Variants in SLC4A1AP observed in about 807,000 individuals in gnomAD.
The protein encoded by SLC4A1AP is kanadaptin.
In SLC4A1AP, 64 loss-of-function variants were observed where a neutral mutation model predicts 89.7. The observed-to-expected ratio is 0.71, with a 90% CI of 0.58 to 0.88. The LOEUF is 0.88. Among genes scored for constraint, SLC4A1AP ranks in the 40% least tolerant of loss-of-function variants. SLC4A1AP has a pLI of 0.00. For synonymous variants in SLC4A1AP, 366 were observed against 353.3 expected (o/e 1.04, Z -0.40); for missense variants, 931 against 965.0 (o/e 0.96, Z 0.47).
intron 12 of SLC4A1AP, among the ~76,000 whole-genome samples, chr2:27,690,492 A>AT (rs1675773710): frequency 6.6e-6 from 1 of 151,884 alleles, no homozygotes. Context: ...TTTTATTTTT[A>AT]TTTTTATTTT....
chr2:27,669,823 T>G (rs1035777071), intron 5 of SLC4A1AP, among the ~76,000 whole-genome samples: 3 of 152,272 alleles, frequency 2.0e-5, no homozygotes, highest in South Asian at 2.1e-4. Context: ...CCCTAGTAGC[T>G]GGGTCTATAG....
chr2:27,687,414 C>G (rs921013794), intron 10 of SLC4A1AP, among the ~76,000 whole-genome samples: 2 of 151,536 alleles, frequency 1.3e-5, no homozygotes, highest in African/African-American at 2.4e-5. Context: ...GAAACTCTAT[C>G]TCTACAAAAA....
intron 13 of SLC4A1AP, 64 bp downstream of exon 13, chr2:27,693,818 T>C (rs1330186249): frequency 1.6e-6 from 2 of 1,245,892 alleles, no homozygotes; most frequent in African/African-American, 3.1e-5. Context: ...ATAGGTAATA[T>C]AGATTTAAGG....
intron 4 of SLC4A1AP, 119 bp from the exon 5 acceptor site, chr2:27,669,129 A>G: frequency 8.6e-7 from 1 of 1,156,858 alleles, no homozygotes; most frequent in Non-Finnish European, 1.2e-6. Flanking sequence ...ATAGAACAAG[A>G]TGGATTCAAA....
chr2:27,680,318 A>G (rs912023491), intron 8 of SLC4A1AP, among the ~76,000 whole-genome samples: 2 of 152,194 alleles, frequency 1.3e-5, no homozygotes, highest in Non-Finnish European at 2.9e-5. Flanking sequence ...GAACATGTGA[A>G]TATACTTTCT....
chr2:27,678,805 ACCT>A (rs962377654), intron 8 of SLC4A1AP, among the ~76,000 whole-genome samples: 7 of 149,060 alleles, frequency 4.7e-5, no homozygotes, highest in Non-Finnish European at 1.0e-4. Context: ...TGCAGCCTTG[ACCT>A]CCTGGGATCA....
At chr2:27,683,845 C>T (rs1675660362) in intron 9 of SLC4A1AP, among the ~76,000 whole-genome samples, 1 of 152,110 alleles carries the variant, frequency 6.6e-6, no homozygotes, top group African/African-American at 2.4e-5. Flanking sequence ...AAGCGATTCT[C>T]CTGCCTCAGC....
intron 11 of SLC4A1AP, 57 bp from the exon 12 acceptor site, chr2:27,688,643 C>A: frequency 8.1e-7 from 1 of 1,231,432 alleles, no homozygotes; most frequent in African/African-American, 1.5e-5. Flanking sequence ...AGAATTTTGC[C>A]TTTTTATTTT....
At chr2:27,667,028 C>T (rs1033754551) in intron 2 of SLC4A1AP, among the ~76,000 whole-genome samples, 1 of 152,042 alleles carries the variant, frequency 6.6e-6, no homozygotes, top group Admixed American at 6.6e-5. Flanking sequence ...CCACTGTGCC[C>T]AGCTAATTTT....
intron 3 of SLC4A1AP, 120 bp downstream of exon 3, chr2:27,667,510 C>G (rs1244676817): frequency 1.0e-6 from 1 of 974,296 alleles, no homozygotes; most frequent in African/African-American, 1.7e-5. Context: ...CCTTCTTGTT[C>G]ACTTTTTACT....
At chr2:27,666,372 A>C (rs6752955) in intron 2 of SLC4A1AP, among the ~76,000 whole-genome samples, 2,053 of 3,158 alleles carry the variant, frequency 0.65, 523 homozygotes, top group Non-Finnish European at 0.74. Flanking sequence ...CCCCCCCCCC[A>C]CCCCGCCCCC....
intron 8 of SLC4A1AP, among the ~76,000 whole-genome samples, chr2:27,680,798 CA>C (rs1675607129): frequency 1.4e-5 from 2 of 148,114 alleles, no homozygotes; most frequent in Non-Finnish European, 3.0e-5. Context: ...ACAACAACAA[CA>C]ACAACAACAA....
chr2:27,677,293 AG>A lies in SLC4A1AP; in HGVS notation c.1507del, dbSNP rs781288130. 81 of 1,605,446 alleles carry A rather than the reference AG, an allele frequency of 5.0e-5. No homozygotes were observed. Among genetic ancestry groups the A allele is most frequent in the Non-Finnish European group, 8.5e-7 (1 of 1,172,432 alleles). On this transcript the variant is annotated splice_acceptor_variant, in intron 6 of 13. Coordinates refer to ENST00000613058, the Ensembl canonical transcript of SLC4A1AP. LOFTEE classifies it high-confidence loss of function. ...GTAACCCTGTTGATTTGGGTGTTAC[AG>A]GTTGCAAAATTAAATGATGCTGAAA...
chr2:27,677,153 G>A, intron 6 of SLC4A1AP, 142 bp from the exon 7 acceptor site: 3 of 672,466 alleles, frequency 4.5e-6, no homozygotes, highest in Non-Finnish European at 5.3e-6. Context: ...AAAAAAAAAA[G>A]TGTTAACTCC....
intron 5 of SLC4A1AP, among the ~76,000 whole-genome samples, chr2:27,673,475 C>G (rs1303754161): frequency 1.6e-5 from 2 of 122,830 alleles, no homozygotes; most frequent in Non-Finnish European, 3.2e-5. Context: ...TTCCTTCCTC[C>G]CTTCCTTCCT....
At chr2:27,664,484 C>T in exon 1 of SLC4A1AP, 2 of 1,614,204 alleles carry the variant, frequency 1.2e-6, no homozygotes, top group South Asian at 2.2e-5. Context: ...GCACTTTTCT[C>T]AACAAAACTC....
intron 8 of SLC4A1AP, among the ~76,000 whole-genome samples, chr2:27,680,575 A>G (rs1159394746): frequency 6.6e-6 from 1 of 152,032 alleles, no homozygotes; most frequent in African/African-American, 2.4e-5. Context: ...GGATGGCTTG[A>G]GTTCAGGAGT....
intron 10 of SLC4A1AP, 105 bp from the exon 11 acceptor site, chr2:27,687,829 A>C (rs1233314186): frequency 8.2e-6 from 6 of 732,684 alleles, no homozygotes; most frequent in African/African-American, 3.6e-5. Flanking sequence ...ATAAAACTGG[A>C]TGATTATGTA....
intron 10 of SLC4A1AP, among the ~76,000 whole-genome samples, chr2:27,687,120 A>G (rs1445165596): frequency 6.6e-6 from 1 of 152,072 alleles, no homozygotes; most frequent in African/African-American, 2.4e-5. Context: ...TTGCTATTTT[A>G]TAACCTAGTT....
Sources: gnomAD v4.1 joint callset for allele counts (sites outside exome capture counted in the v4.1 genomes callset) on GRCh38, gnomAD v4.1.1 for gene constraint, MANE v1.5 for transcripts, NCBI Gene and HGNC (gene_info 2026-07-23, HGNC 2026-07-21) for gene names.